The following MCOLN2 variants were observed in gnomAD, a reference collection of about 807,000 sequenced individuals.
The protein encoded by MCOLN2 is mucolipin-2.
In MCOLN2, 57 loss-of-function variants were observed where a neutral mutation model predicts 67.5. The ratio of observed to expected loss-of-function variants is 0.84; its 90% CI spans 0.68 to 1.05. The LOEUF (loss-of-function observed/expected upper bound fraction) is 1.05. Ranked by LOEUF, MCOLN2 falls within the 50% of genes least tolerant of loss-of-function variation. The probability of loss-of-function intolerance (pLI) is 0.00; values close to 1 mark genes in which losing one functional copy is unlikely to be tolerated. For missense variants in MCOLN2, 620 were observed against 678.8 expected (o/e 0.91, Z 0.96); for synonymous variants, 246 against 233.3 (o/e 1.05, Z -0.50).
chr1:84,984,564 T>C (rs375015832), intron 1 of MCOLN2, among the ~76,000 whole-genome samples: 1 of 152,214 alleles, frequency 6.6e-6, no homozygotes, highest in Admixed American at 6.5e-5. Flanking sequence ...TATTCTTCAA[T>C]CCCTTCCTGG....
rs1368060512 is a variant in MCOLN2, at chr1:84,937,981, A to G, written c.1212T>C (p.Asn404=). 5.0e-6 allele frequency: 8 copies of G among 1,613,694 alleles called. No homozygotes were observed. Among genetic ancestry groups the G allele is most frequent in the East Asian group, 2.2e-5 (1 of 44,894 alleles). ...IRYLGYFQAY[N]VLILTMQASL... ...GCACTACCCGGTGCCGCATCCTTAC[A>G]TTATATGCCTGGAAATAACCCAGGT... The change falls in exon 10 of 14, where the codon AAT becomes AAC. Residue 404 remains asparagine (N), a splice_region_variant and synonymous_variant. Coordinates refer to ENST00000370608, the MANE Select transcript of MCOLN2 (RefSeq NM_153259.4).
chr1:84,939,922 C>T (rs779812332), intron 8 of MCOLN2, among the ~76,000 whole-genome samples: 1 of 152,112 alleles, frequency 6.6e-6, no homozygotes, highest in Non-Finnish European at 1.5e-5. Context: ...GAAATACGTA[C>T]GCGGTAACTC....
chr1:84,961,571 A>G (rs917514853), intron 2 of MCOLN2, among the ~76,000 whole-genome samples: 1 of 152,180 alleles, frequency 6.6e-6, no homozygotes, highest in Admixed American at 6.5e-5. Context: ...GCATTGGGGA[A>G]GGTTGGGAGG....
At chr1:84,956,273 G>A (rs1466667815) in intron 4 of MCOLN2, among the ~76,000 whole-genome samples, 158 bp downstream of exon 4, 1 of 152,064 alleles carries the variant, frequency 6.6e-6, no homozygotes, top group East Asian at 1.9e-4. Flanking sequence ...AGTTTCCTGA[G>A]CCAAAGCCCC....
intron 1 of MCOLN2, among the ~76,000 whole-genome samples, chr1:84,975,868 T>C (rs936189618): frequency 6.6e-6 from 1 of 151,998 alleles, no homozygotes; most frequent in African/African-American, 2.4e-5. Flanking sequence ...ATTCTGGAGC[T>C]GAAAAATGCA....
chr1:84,948,268 A>G (rs983076888), intron 6 of MCOLN2, among the ~76,000 whole-genome samples: 4 of 152,174 alleles, frequency 2.6e-5, no homozygotes, highest in African/African-American at 9.7e-5. Flanking sequence ...CTCCAGCAAA[A>G]CTGTGTCATT....
At chr1:84,957,084 C>T (rs1394257794) in intron 3 of MCOLN2, among the ~76,000 whole-genome samples, 1 of 152,014 alleles carries the variant, frequency 6.6e-6, no homozygotes, top group Non-Finnish European at 1.5e-5. Flanking sequence ...CACATTGTAC[C>T]CCATAACTAT....
At chr1:84,929,739 T>C (rs529725965) in intron 12 of MCOLN2, 60 bp from the exon 13 acceptor site, 1 of 1,553,298 alleles carries the variant, frequency 6.4e-7, no homozygotes, top group East Asian at 2.3e-5. Context: ...TGCTCTTTTG[T>C]CAACAAACCA....
intron 1 of MCOLN2, among the ~76,000 whole-genome samples, chr1:84,970,768 A>G (rs1649638654): frequency 6.6e-6 from 1 of 152,302 alleles, no homozygotes; most frequent in Middle Eastern, 3.4e-3. Flanking sequence ...GCAAATGTGA[A>G]TAGATAAAAG....
chr1:84,929,374 T>G (rs1047802837), intron 13 of MCOLN2, among the ~76,000 whole-genome samples, 184 bp downstream of exon 13: 2 of 152,242 alleles, frequency 1.3e-5, no homozygotes, highest in African/African-American at 4.8e-5. Flanking sequence ...GCTTTCTACA[T>G]AACCCTGTTT....
At chr1:84,942,623 C>T (rs1415113656) in intron 7 of MCOLN2, among the ~76,000 whole-genome samples, 1 of 152,112 alleles carries the variant, frequency 6.6e-6, no homozygotes, top group Non-Finnish European at 1.5e-5. Flanking sequence ...TGAAGCAGGG[C>T]CCATAGGTAG....
In MCOLN2 at chr1:84,937,584, C is replaced by T. The variant is rs539348828; in HGVS notation, c.1335+171G>A. 23 of 1,401,110 alleles carry T rather than the reference C, an allele frequency of 1.6e-5. No individual in the cohort carries two copies. The African/African-American group carries it at 3.2e-4, about 19-fold the overall frequency. The allele number at this position is 1,401,110 out of a possible 1,614,324, so 86.8% of individuals were successfully genotyped here. A position where few individuals can be genotyped will look rare whatever the true frequency, so the allele number is the denominator to read the frequency against. On this transcript the variant is annotated intron_variant, in intron 11 of 13. Coordinates refer to ENST00000370608, the MANE Select transcript of MCOLN2 (RefSeq NM_153259.4). ...TTCTTGTTTCAATATCCTGTAGTCA[C>T]TTCTATATCCTGAAAAGGAAAAAAA... is the stretch of plus-strand genomic sequence containing the variant.
chr1:84,991,228 AG>A (rs1650876163), intron 1 of MCOLN2, among the ~76,000 whole-genome samples: 1 of 152,136 alleles, frequency 6.6e-6, no homozygotes, highest in African/African-American at 2.4e-5. Context: ...TTTGGGGTAG[AG>A]GGTGGAAGAA....
At chr1:84,972,279 C>A (rs1011525747) in intron 1 of MCOLN2, among the ~76,000 whole-genome samples, 3 of 152,056 alleles carry the variant, frequency 2.0e-5, no homozygotes, top group African/African-American at 7.2e-5. Context: ...GGCTGTCATG[C>A]AATTGAAATT....
chr1:84,965,193 A>G (rs144099211), intron 2 of MCOLN2, among the ~76,000 whole-genome samples: 13 of 152,364 alleles, frequency 8.5e-5, no homozygotes, highest in African/African-American at 1.9e-4. Context: ...TTAGGATTCT[A>G]TAAGTCTGAA....
chr1:84,933,077 A>G (rs925931382), intron 11 of MCOLN2, among the ~76,000 whole-genome samples: 3 of 151,980 alleles, frequency 2.0e-5, no homozygotes, highest in Non-Finnish European at 2.9e-5. Flanking sequence ...TTTTTCCCTC[A>G]TGGAATTTAT....
intron 13 of MCOLN2, among the ~76,000 whole-genome samples, chr1:84,928,461 G>A (rs2102795782): frequency 6.6e-6 from 1 of 152,166 alleles, no homozygotes; most frequent in South Asian, 2.1e-4. Flanking sequence ...AACCTCCCAG[G>A]ACTTTGTGTG....
chr1:84,933,042 C>A (rs577811993), intron 11 of MCOLN2, among the ~76,000 whole-genome samples: 1 of 152,298 alleles, frequency 6.6e-6, no homozygotes, highest in Non-Finnish European at 1.5e-5. Flanking sequence ...TTATCTTCTC[C>A]TCCAACACCA....
At chr1:84,961,812 T>C (rs1205850573) in intron 2 of MCOLN2, among the ~76,000 whole-genome samples, 3 of 152,122 alleles carry the variant, frequency 2.0e-5, no homozygotes, top group Non-Finnish European at 1.5e-5. Flanking sequence ...AAGACCTCAT[T>C]ATGAAATCAA....
Sources: allele counts gnomAD v4.1 joint callset (sites outside exome capture counted in the v4.1 genomes callset), GRCh38; gene constraint gnomAD v4.1.1; transcripts MANE v1.5; gene names NCBI Gene and HGNC (gene_info 2026-07-23, HGNC 2026-07-21).